Variants in CCSER1 observed in about 807,000 individuals in gnomAD.
The protein encoded by CCSER1 is coiled-coil serine rich protein 1, also known as serine-rich coiled-coil domain-containing protein 1.
In CCSER1, 41 loss-of-function variants were observed where a neutral mutation model predicts 82.0. The ratio of observed to expected loss-of-function variants is 0.50; its 90% CI spans 0.39 to 0.65. The LOEUF (loss-of-function observed/expected upper bound fraction) is 0.65, where lower values mean the gene tolerates loss of function less well. Ranked by LOEUF, CCSER1 falls within the 30% of genes least tolerant of loss-of-function variation. CCSER1 has a pLI of 0.00. For missense variants in CCSER1, 1,119 were observed against 1,064.2 expected, an observed-to-expected ratio of 1.05 and a Z score of -0.72; for synonymous variants, 414 against 383.9, an observed-to-expected ratio of 1.08 and a Z score of -0.92.
intron 10 of CCSER1, among the ~76,000 whole-genome samples, chr4:91,278,139 G>A (rs77462537): frequency 0.018 from 2,696 of 152,172 alleles, 77 homozygotes; most frequent in African/African-American, 0.057. Flanking sequence ...GGAGAAGAAC[G>A]TTTATTCTGC....
At chr4:91,458,928 C>T (rs2149428501) in intron 10 of CCSER1, among the ~76,000 whole-genome samples, 1 of 152,178 alleles carries the variant, frequency 6.6e-6, no homozygotes, top group East Asian at 1.9e-4. Flanking sequence ...CCTCCTCTCC[C>T]TATTTTTGAT....
At chr4:90,709,734 G>A (rs936312403) in intron 6 of CCSER1, among the ~76,000 whole-genome samples, 1 of 152,074 alleles carries the variant, frequency 6.6e-6, no homozygotes, top group African/African-American at 2.4e-5. Context: ...GAATAGTGCT[G>A]CAGTGAACAT....
intron 10 of CCSER1, among the ~76,000 whole-genome samples, chr4:91,154,484 C>CCCTGCT (rs137936214): frequency 3.0e-4 from 45 of 151,978 alleles, no homozygotes; most frequent in African/African-American, 1.0e-3. Context: ...CAATGCGTTG[C>CCCTGCT]CCTGCTCCTG....
chr4:90,353,118 G>T (rs956721069), intron 3 of CCSER1, among the ~76,000 whole-genome samples: 5 of 152,108 alleles, frequency 3.3e-5, no homozygotes, highest in Non-Finnish European at 7.4e-5. Context: ...CTTCCCTGAG[G>T]TGTGGACATC....
chr4:91,022,564 A>C (rs908429220), intron 9 of CCSER1, among the ~76,000 whole-genome samples: 1 of 152,200 alleles, frequency 6.6e-6, no homozygotes, highest in Non-Finnish European at 1.5e-5. Context: ...TTCTAGTTCT[A>C]GATCCCTGAG....
Position 91,025,631 on chromosome 4 carries a change from A to G in CCSER1, c.2173-60319A>G, listed in dbSNP as rs371547256. On this transcript the variant is annotated intron_variant, in intron 9 of 10. Transcript: ENST00000509176. ...TGAACCCCCTGAAACTTCTCTAATC[A>G]GTAAGAACTAGAACACTGTGCCAAG... is the stretch of plus-strand genomic sequence containing the variant. Among the ~76,000 whole-genome samples the G allele has an allele frequency of 2.0e-4, 31 of 152,252 alleles. No homozygotes were observed. In the South Asian group the frequency reaches 5.6e-3, roughly 27 times the overall value.
chr4:91,276,293 CTTTTTTTT>C (rs545936410), intron 10 of CCSER1, among the ~76,000 whole-genome samples: 7 of 116,268 alleles, frequency 6.0e-5, no homozygotes, highest in African/African-American at 2.2e-4. Context: ...GATGTCTTTC[CTTTTTTTT>C]TTTTTTTTTT....
chr4:91,050,116 G>A (rs1189230984), intron 9 of CCSER1, among the ~76,000 whole-genome samples: 1 of 152,116 alleles, frequency 6.6e-6, no homozygotes, highest in African/African-American at 2.4e-5. Flanking sequence ...AGGATTGTAT[G>A]TATACAATTG....
In CCSER1 at chr4:90,828,280, AT is replaced by A. The variant is rs565074485; in HGVS notation, c.2094+12441del. Among the ~76,000 whole-genome samples, 25 of 152,202 alleles carry A rather than the reference AT, an allele frequency of 1.6e-4. No individual in the cohort carries two copies. In the East Asian group the frequency reaches 4.5e-3, roughly 27 times the overall value. ...TGAACTCTTTCAGCTGAGAAAGCAAATTTTTTAGTGACTTAAAATGTATCTT... is the reference window on the plus strand; with the variant it reads ...TGAACTCTTTCAGCTGAGAAAGCAAATTTTTAGTGACTTAAAATGTATCTT... On this transcript the variant is annotated intron_variant, in intron 8 of 10. Transcript: ENST00000509176.
intron 8 of CCSER1, among the ~76,000 whole-genome samples, chr4:90,863,539 C>G (rs546430035): frequency 6.6e-6 from 1 of 151,600 alleles, no homozygotes; most frequent in African/African-American, 2.4e-5. Flanking sequence ...TTTTTCTTTG[C>G]GTTTCTTTTT....
chr4:90,788,749 A>G (rs1754854196), intron 7 of CCSER1, among the ~76,000 whole-genome samples: 1 of 152,178 alleles, frequency 6.6e-6, no homozygotes, highest in East Asian at 1.9e-4. Context: ...AAACAATTCA[A>G]TCATTAACAA....
chr4:90,173,288 G>A lies in CCSER1; in HGVS notation c.-42+45457G>A, dbSNP rs1277099542. Among the ~76,000 whole-genome samples, 5 of 151,262 alleles carry A rather than the reference G, an allele frequency of 3.3e-5. No homozygotes were observed. In the South Asian group the frequency reaches 1.0e-3, roughly 32 times the overall value. On this transcript the variant is annotated intron_variant, in intron 1 of 10. Transcript: ENST00000509176. ...GAATTGTTTCTGGTTAGAATTAAGAGTAATTCATGTTTGTTATATGAAAGT... is the reference window on the plus strand; with the variant it reads ...GAATTGTTTCTGGTTAGAATTAAGAATAATTCATGTTTGTTATATGAAAGT...
At chr4:91,035,727 GT>G (rs1474857450) in intron 9 of CCSER1, among the ~76,000 whole-genome samples, 2 of 152,068 alleles carry the variant, frequency 1.3e-5, no homozygotes, top group Non-Finnish European at 2.9e-5. Flanking sequence ...CCAACTCAAT[GT>G]TTATACTTGA....
intron 10 of CCSER1, among the ~76,000 whole-genome samples, chr4:91,529,315 C>T: frequency 6.6e-6 from 1 of 151,988 alleles, no homozygotes; most frequent in Non-Finnish European, 1.5e-5. Context: ...TGATTTGTTT[C>T]TGTAGCCATG....
chr4:90,530,333 AG>A (rs965514916), intron 5 of CCSER1, among the ~76,000 whole-genome samples: 9 of 152,206 alleles, frequency 5.9e-5, no homozygotes, highest in African/African-American at 2.2e-4. Flanking sequence ...TTGGTGGGCA[AG>A]GGGAGGCCAG....
intron 10 of CCSER1, among the ~76,000 whole-genome samples, chr4:91,205,692 C>T (rs1736286811): frequency 6.6e-6 from 1 of 150,774 alleles, no homozygotes; most frequent in Admixed American, 6.7e-5. Context: ...ATTTTCTTTC[C>T]TCCTTCCCTT....
At chr4:90,794,570 A>G (rs1224636647) in intron 7 of CCSER1, among the ~76,000 whole-genome samples, 2 of 152,080 alleles carry the variant, frequency 1.3e-5, no homozygotes, top group Non-Finnish European at 2.9e-5. Flanking sequence ...TGTAGCCTGT[A>G]TCATAGTTTG....
At chr4:90,182,490 G>A (rs751469970) in intron 1 of CCSER1, among the ~76,000 whole-genome samples, 19 of 152,062 alleles carry the variant, frequency 1.2e-4, no homozygotes, top group Non-Finnish European at 2.4e-4. Flanking sequence ...TTTATTCAGT[G>A]GTGAAGGAAG....
At chr4:90,248,927 T>C (rs951440583) in intron 1 of CCSER1, among the ~76,000 whole-genome samples, 1 of 152,060 alleles carries the variant, frequency 6.6e-6, no homozygotes, top group Non-Finnish European at 1.5e-5. Context: ...CTCAAACTCC[T>C]AATCTCAGAC....
Sources: allele counts gnomAD v4.1 joint callset (sites outside exome capture counted in the v4.1 genomes callset), GRCh38; gene constraint gnomAD v4.1.1; transcripts MANE v1.5; gene names NCBI Gene and HGNC (gene_info 2026-07-23, HGNC 2026-07-21).